CNTRL: variants seen among roughly 807,000 people sequenced by gnomAD.
The protein encoded by CNTRL is 110 kDa centrosomal protein.
A neutral mutation model predicts 303.7 loss-of-function variants in CNTRL; 233 were observed. The observed-to-expected ratio is 0.77, with a 90% confidence interval of 0.69 to 0.86. The LOEUF (loss-of-function observed/expected upper bound fraction) is 0.86, where lower values mean the gene tolerates loss of function less well. Among genes scored for constraint, CNTRL ranks in the 40% least tolerant of loss-of-function variants. CNTRL has a pLI of 0.00. For synonymous variants in CNTRL, 900 were observed against 922.2 expected (o/e 0.98, Z 0.44); for missense variants, 2,524 against 2,650.6 (o/e 0.95, Z 1.05).
chr9:121,166,024 CT>C (rs1564299239), intron 35 of CNTRL, 82 bp from the exon 36 acceptor site: 1 of 1,032,538 alleles, frequency 9.7e-7, no homozygotes, highest in East Asian at 2.6e-5. Flanking sequence ...AAAACAACTT[CT>C]CTACTTTTTG....
chr9:121,161,648 T>C, intron 32 of CNTRL: 1 of 498,784 alleles, frequency 2.0e-6, no homozygotes, highest in East Asian at 3.4e-5. Context: ...GCACCTGGCT[T>C]GTTAAAATGT....
At chr9:121,107,317 G>C (rs1252963570) in intron 7 of CNTRL, among the ~76,000 whole-genome samples, 1 of 152,184 alleles carries the variant, frequency 6.6e-6, no homozygotes, top group African/African-American at 2.4e-5. Context: ...CTGCAGTAGA[G>C]TATGCTTGAA....
chr9:121,171,358 C>T (rs902174449), intron 39 of CNTRL, 50 bp from the exon 40 acceptor site: 2 of 1,608,796 alleles, frequency 1.2e-6, no homozygotes, highest in Non-Finnish European at 1.7e-6. Flanking sequence ...GCCAGCAAAC[C>T]ACACCTCCAT....
At chr9:121,108,278 G>A (rs1185359171) in intron 8 of CNTRL, among the ~76,000 whole-genome samples, 1 of 152,098 alleles carries the variant, frequency 6.6e-6, no homozygotes, top group Non-Finnish European at 1.5e-5. Flanking sequence ...TTTAGAAGGC[G>A]ATCTGGCAAA....
At chr9:121,105,765 A>G (rs553391615) in intron 7 of CNTRL, among the ~76,000 whole-genome samples, 3 of 152,232 alleles carry the variant, frequency 2.0e-5, no homozygotes, top group Non-Finnish European at 4.4e-5. Context: ...GATTGGCAAC[A>G]GGTGATAATG....
intron 23 of CNTRL, among the ~76,000 whole-genome samples, chr9:121,147,042 C>T (rs2051905390): frequency 6.6e-6 from 1 of 151,966 alleles, no homozygotes; most frequent in African/African-American, 2.4e-5. Flanking sequence ...TTGCTGTGTC[C>T]CCCAGGCTGG....
At chr9:121,082,004 C>T (rs568332723) in intron 2 of CNTRL, among the ~76,000 whole-genome samples, 143 of 152,346 alleles carry the variant, frequency 9.4e-4, no homozygotes, top group Non-Finnish European at 1.8e-3. Context: ...GAAAGACACT[C>T]TTATCACTGT....
chr9:121,084,496 C>T (rs546256141), intron 2 of CNTRL, among the ~76,000 whole-genome samples: 167 of 151,840 alleles, frequency 1.1e-3, no homozygotes, highest in African/African-American at 3.7e-3. Flanking sequence ...ATATACTGTA[C>T]GCACACTGTA....
chr9:121,116,388 T>TTA lies in CNTRL; in HGVS notation c.1455+1189_1455+1190insAT, dbSNP rs1458783872. 3.0e-4 allele frequency among the ~76,000 whole-genome samples: 45 copies of TTA among 152,238 alleles called. No individual in the cohort carries two copies. In the South Asian group the frequency reaches 7.5e-3, roughly 25 times the overall value. ...GCATTTTTTTATTTTTTATTTTTAT[T>TTA]TTTTTGAGACAGGGCCTTGACTCCT... On this transcript the variant is annotated intron_variant, in intron 11 of 43. Transcript: ENST00000373855.
At chr9:121,166,956 G>T (rs528167647) in intron 36 of CNTRL, among the ~76,000 whole-genome samples, 4 of 152,142 alleles carry the variant, frequency 2.6e-5, no homozygotes, top group Admixed American at 6.5e-5. Context: ...GAGAGGCGGA[G>T]GTTGCCGTGA....
chr9:121,103,964 G>A (rs558591005), intron 7 of CNTRL, among the ~76,000 whole-genome samples: 1 of 152,330 alleles, frequency 6.6e-6, no homozygotes, highest in African/African-American at 2.4e-5. Flanking sequence ...GGAAGACTGT[G>A]TGTGATTCCT....
Position 121,136,075 on chromosome 9 carries a change from GT to G in CNTRL, c.2202+99del, listed in dbSNP as rs944803122. On this transcript the variant is annotated intron_variant, in intron 15 of 43. Transcript: ENST00000373855. ...TTTATGTCTTAATTTAAAATTAAGC[GT>G]TTTTTCATACAATATATATGGAGTG... is the stretch of plus-strand genomic sequence containing the variant. The G allele has an allele frequency of 1.1e-5, 13 of 1,182,812 alleles. No individual in the cohort carries two copies. The Admixed American group carries it at 1.2e-4, about 10-fold the overall frequency. The allele number at this position is 1,182,812 out of a possible 1,614,324, so 73.3% of individuals were successfully genotyped here. A position where few individuals can be genotyped will look rare whatever the true frequency, so the allele number is the denominator to read the frequency against.
intron 21 of CNTRL, 22 bp from the exon 22 acceptor site, chr9:121,145,222 T>TA (rs776240477): frequency 6.3e-7 from 1 of 1,595,930 alleles, no homozygotes; most frequent in Middle Eastern, 1.7e-4. Flanking sequence ...GGCAACTTTG[T>TA]ATGTGTAATT....
intron 14 of CNTRL, among the ~76,000 whole-genome samples, chr9:121,128,484 A>T (rs1423915224): frequency 2.6e-5 from 4 of 151,776 alleles, no homozygotes; most frequent in Non-Finnish European, 5.9e-5. Flanking sequence ...CCCCTTTTTG[A>T]TGGGGTTGTT....
chr9:121,093,597 G>C (rs2048757983), intron 4 of CNTRL, among the ~76,000 whole-genome samples: 1 of 152,218 alleles, frequency 6.6e-6, no homozygotes, highest in African/African-American at 2.4e-5. Flanking sequence ...ATTGGTGGTA[G>C]ATAAGGAAGA....
chr9:121,171,277 A>G, intron 39 of CNTRL, 131 bp from the exon 40 acceptor site: 2 of 919,106 alleles, frequency 2.2e-6, no homozygotes, highest in Middle Eastern at 4.2e-4. Flanking sequence ...CGATAGAATT[A>G]TCCCCATTTG....
chr9:121,086,920 G>A (rs185667958), intron 2 of CNTRL, among the ~76,000 whole-genome samples: 111 of 152,082 alleles, frequency 7.3e-4, no homozygotes, highest in African/African-American at 2.6e-3. Context: ...CCCAAAGTGC[G>A]GGGATTATAG....
intron 4 of CNTRL, among the ~76,000 whole-genome samples, chr9:121,092,114 T>G (rs1311673519): frequency 6.8e-6 from 1 of 147,148 alleles, no homozygotes; most frequent in African/African-American, 2.5e-5. Context: ...TTATAGATTT[T>G]TATAGCAAAC....
At chr9:121,173,993 C>T (rs190952986) in intron 42 of CNTRL, among the ~76,000 whole-genome samples, 184 of 152,154 alleles carry the variant, frequency 1.2e-3, no homozygotes, top group Middle Eastern at 3.4e-3. Context: ...CAGCTAGAAC[C>T]GATAGAATCT....
Sources: allele counts gnomAD v4.1 joint callset (sites outside exome capture counted in the v4.1 genomes callset), GRCh38; gene constraint gnomAD v4.1.1; transcripts MANE v1.5; gene names NCBI Gene and HGNC (gene_info 2026-07-23, HGNC 2026-07-21).